KCNN3: variants seen among roughly 807,000 people sequenced by gnomAD.
KCNN3 encodes the protein potassium calcium-activated channel subfamily N member 3.
In KCNN3, 16 loss-of-function variants were observed where a neutral mutation model predicts 62.9. The ratio of observed to expected loss-of-function variants is 0.25; its 90% confidence interval spans 0.17 to 0.39. The LOEUF (loss-of-function observed/expected upper bound fraction) is 0.39, where lower values mean the gene tolerates loss of function less well. Ranked by LOEUF, KCNN3 falls within the 10% of genes least tolerant of loss-of-function variation. The pLI is 1.00. For synonymous variants in KCNN3, 370 were observed against 389.2 expected, an observed-to-expected ratio of 0.95 and a Z score of 0.58; for missense variants, 599 against 949.4, an observed-to-expected ratio of 0.63 and a Z score of 4.85.
chr1:154,782,022 A>G (rs773100670), intron 2 of KCNN3, among the ~76,000 whole-genome samples: 8 of 152,216 alleles, frequency 5.3e-5, no homozygotes, highest in Non-Finnish European at 1.2e-4. Context: ...AAAGGTATGC[A>G]TTACAGAGGG....
chr1:154,737,085 A>G (rs752427022), intron 3 of KCNN3: 3 of 701,024 alleles, frequency 4.3e-6, no homozygotes, highest in Non-Finnish European at 7.8e-6. Flanking sequence ...CTGGTGATTC[A>G]GGACTGTGGG....
At chr1:154,814,127 C>T (rs568022420) in intron 2 of KCNN3, among the ~76,000 whole-genome samples, 20 of 152,308 alleles carry the variant, frequency 1.3e-4, no homozygotes, top group Admixed American at 5.2e-4. Flanking sequence ...TGCTGGGACC[C>T]GCAGCCCCTT....
intron 3 of KCNN3, among the ~76,000 whole-genome samples, chr1:154,755,797 GGAGGAA>G (rs1647646548): frequency 7.0e-6 from 1 of 143,142 alleles, no homozygotes; most frequent in Non-Finnish European, 1.5e-5. Context: ...GGGAGGAGGA[GGAGGAA>G]GAAGAAGAAG....
intron 1 of KCNN3, chr1:154,868,240 C>T: frequency 1.0e-6 from 1 of 985,564 alleles, no homozygotes; most frequent in South Asian, 4.7e-5. Context: ...CGGCGCCCAG[C>T]TGCTCTGCCC....
chr1:154,739,535 C>T lies in KCNN3; in HGVS notation c.1449-6391G>A, dbSNP rs543025891. Among the ~76,000 whole-genome samples, 4 of 152,280 alleles carry T rather than the reference C, an allele frequency of 2.6e-5. No homozygotes were observed. In the South Asian group the frequency reaches 8.3e-4, roughly 32 times the overall value. ...GACCTTCATAAGGATGAAATCATAC[C>T]ACAAGAGTATGGTAGGAAGCTTCTA... is the stretch of plus-strand genomic sequence containing the variant. On this transcript the variant is annotated intron_variant, in intron 3 of 7. Transcript: ENST00000271915.
At chr1:154,713,624 G>T in intron 6 of KCNN3, 91 bp from the exon 7 acceptor site, 1 of 1,060,150 alleles carries the variant, frequency 9.4e-7, no homozygotes, top group South Asian at 1.3e-5. Flanking sequence ...CACTGCCTCT[G>T]ATTTTGGAAC....
At chr1:154,764,548 T>A (rs968892655) in intron 3 of KCNN3, among the ~76,000 whole-genome samples, 4 of 152,092 alleles carry the variant, frequency 2.6e-5, no homozygotes, top group Non-Finnish European at 4.4e-5. Context: ...CTTTAGGTTT[T>A]AAAAAAAATA....
chr1:154,868,358 A>T (rs1653031298), intron 1 of KCNN3: 3 of 987,368 alleles, frequency 3.0e-6, no homozygotes, highest in Non-Finnish European at 3.6e-6. Flanking sequence ...CTCCACCTAT[A>T]TTTTTACCCC....
rs1208293975 is a variant in KCNN3, at chr1:154,705,127, A to C, written c.*2849T>G. The C allele has an allele frequency of 6.6e-6, 1 of 152,204 alleles. No homozygotes were observed. Among genetic ancestry groups the C allele is most frequent in the African/African-American group, 2.4e-5 (1 of 41,442 alleles). 9.4% of individuals were successfully genotyped at this position (152,204 alleles called of 1,614,324 possible). A position where few individuals can be genotyped will look rare whatever the true frequency, so the allele number is the denominator to read the frequency against. On this transcript the variant is annotated 3_prime_UTR_variant, in exon 8 of 8. Coordinates refer to ENST00000271915, the MANE Select transcript of KCNN3 (RefSeq NM_002249.6). ...ACCTCCTCCACCACAAAACTTGAAA[A>C]TAAGGTACAAGAAGGCATGACATGA...
intron 6 of KCNN3, among the ~76,000 whole-genome samples, chr1:154,714,459 T>C (rs1268512428): frequency 9.1e-4 from 50 of 55,070 alleles, no homozygotes; most frequent in Non-Finnish European, 1.7e-3. Context: ...GTGGTGTTTG[T>C]GTGTGGTGTG....
chr1:154,760,115 C>T (rs1252332167), intron 3 of KCNN3, among the ~76,000 whole-genome samples: 3 of 151,880 alleles, frequency 2.0e-5, no homozygotes, highest in Non-Finnish European at 4.4e-5. Flanking sequence ...CAGGTTCAAG[C>T]GATTCTCCTG....
intron 3 of KCNN3, among the ~76,000 whole-genome samples, chr1:154,744,475 G>T (rs1193619983): frequency 6.6e-6 from 1 of 152,266 alleles, no homozygotes; most frequent in Non-Finnish European, 1.5e-5. Flanking sequence ...CAGCACCCGT[G>T]TGCCTGGGCA....
intron 7 of KCNN3, among the ~76,000 whole-genome samples, chr1:154,712,598 C>T (rs1470998232): frequency 6.6e-6 from 1 of 152,194 alleles, no homozygotes; most frequent in East Asian, 1.9e-4. Context: ...TCTTGCTTAC[C>T]CAGGGAATGT....
intron 3 of KCNN3, among the ~76,000 whole-genome samples, chr1:154,736,703 C>G (rs776914131): frequency 6.6e-6 from 1 of 152,196 alleles, no homozygotes; most frequent in Non-Finnish European, 1.5e-5. Flanking sequence ...GGATTAAACT[C>G]GTGCTCCCTG....
chr1:154,853,293 G>T (rs1314781162), intron 1 of KCNN3, among the ~76,000 whole-genome samples: 1 of 151,932 alleles, frequency 6.6e-6, no homozygotes, highest in Admixed American at 6.6e-5. Context: ...CTGGCCCTAA[G>T]CACTTCTTTA....
At chr1:154,868,277 A>G (rs1452774458) in intron 1 of KCNN3, 25 of 985,316 alleles carry the variant, frequency 2.5e-5, no homozygotes, top group African/African-American at 3.5e-5. Flanking sequence ...CATTTTTATC[A>G]GGAGATGTTT....
intron 2 of KCNN3, among the ~76,000 whole-genome samples, chr1:154,790,614 A>C (rs182564166): frequency 6.6e-6 from 1 of 152,362 alleles, no homozygotes; most frequent in East Asian, 1.9e-4. Context: ...CAACATCACA[A>C]GAGAATATCA....
At chr1:154,832,741 C>A (rs1285894798) in intron 1 of KCNN3, among the ~76,000 whole-genome samples, 2 of 152,238 alleles carry the variant, frequency 1.3e-5, no homozygotes, top group Admixed American at 1.3e-4. Context: ...CTTTGCTCTA[C>A]AGAAAGCTGT....
chr1:154,785,572 C>CTTTT (rs59033291), intron 2 of KCNN3, among the ~76,000 whole-genome samples: 2 of 107,974 alleles, frequency 1.9e-5, no homozygotes, highest in African/African-American at 3.8e-5. Flanking sequence ...TTTTCTTTTT[C>CTTTT]TTTTTTTTTT....
Sources: allele counts gnomAD v4.1 joint callset (sites outside exome capture counted in the v4.1 genomes callset), GRCh38; gene constraint gnomAD v4.1.1; transcripts MANE v1.5; gene names NCBI Gene and HGNC (gene_info 2026-07-23, HGNC 2026-07-21).